Variants in CDKAL1 observed in about 807,000 individuals in gnomAD.
CDKAL1 encodes the protein CDKAL1 threonylcarbamoyladenosine tRNA methylthiotransferase.
In CDKAL1, 32 loss-of-function variants were observed where a neutral mutation model predicts 68.2. The ratio of observed to expected loss-of-function variants is 0.47; its 90% CI spans 0.35 to 0.63. The LOEUF (loss-of-function observed/expected upper bound fraction) is 0.63, where lower values mean the gene tolerates loss of function less well. Among genes scored for constraint, CDKAL1 ranks in the 30% least tolerant of loss-of-function variants. The probability of loss-of-function intolerance (pLI) is 0.00; values close to 1 mark genes in which losing one functional copy is unlikely to be tolerated. For missense variants in CDKAL1, 606 were observed against 696.7 expected (o/e 0.87, Z 1.47); for synonymous variants, 234 against 244.3 (o/e 0.96, Z 0.39).
intron 13 of CDKAL1, among the ~76,000 whole-genome samples, chr6:21,146,589 G>A (rs1429508266): frequency 6.6e-6 from 1 of 152,066 alleles, no homozygotes; most frequent in African/African-American, 2.4e-5. Context: ...GGTGGCTCAC[G>A]CCTGTAATCC....
At chr6:20,575,269 A>T (rs1047493286) in intron 4 of CDKAL1, among the ~76,000 whole-genome samples, 3 of 152,032 alleles carry the variant, frequency 2.0e-5, no homozygotes, top group Non-Finnish European at 4.4e-5. Context: ...AGAAAAAAGC[A>T]GTTTGTGTTT....
intron 9 of CDKAL1, among the ~76,000 whole-genome samples, chr6:20,885,103 A>G (rs1407237415): frequency 6.6e-6 from 1 of 152,246 alleles, no homozygotes; most frequent in African/African-American, 2.4e-5. Context: ...AAAGTAATCT[A>G]CAGATTCGGC....
chr6:20,718,645 A>G (rs1772202750), intron 5 of CDKAL1, among the ~76,000 whole-genome samples: 1 of 152,206 alleles, frequency 6.6e-6, no homozygotes, highest in South Asian at 2.1e-4. Flanking sequence ...ACAAATGGAT[A>G]TATGAAAGCT....
intron 13 of CDKAL1, among the ~76,000 whole-genome samples, chr6:21,196,997 A>G (rs527237886): frequency 6.6e-6 from 1 of 152,092 alleles, no homozygotes; most frequent in Non-Finnish European, 1.5e-5. Context: ...GTCTCTACTA[A>G]AAATATAAAA....
intron 9 of CDKAL1, among the ~76,000 whole-genome samples, chr6:20,871,587 T>C (rs1437235116): frequency 6.6e-6 from 1 of 152,130 alleles, no homozygotes; most frequent in Non-Finnish European, 1.5e-5. Context: ...ACGACAAAAA[T>C]TAATAAAAGC....
chr6:20,748,554 G>GAAAAAAAAAAAAAA lies in CDKAL1; in HGVS notation c.468+8939_468+8940insAAAAAAAAAAAAAA, dbSNP rs1773762406. Among the ~76,000 whole-genome samples the GAAAAAAAAAAAAAA allele has an allele frequency of 5.2e-5, 4 of 77,106 alleles. 2 individuals carry two copies. Among genetic ancestry groups the GAAAAAAAAAAAAAA allele is most frequent in the Admixed American group, 3.3e-4 (2 of 6,082 alleles). The allele number at this position is 77,106 out of a possible 152,430, so 50.6% of individuals were successfully genotyped here. A position where few individuals can be genotyped will look rare whatever the true frequency, so the allele number is the denominator to read the frequency against. On this transcript the variant is annotated intron_variant, in intron 6 of 15. Coordinates refer to ENST00000274695, the MANE Select transcript of CDKAL1 (RefSeq NM_017774.3). ...GGAAAGAGAGCAAGACTCTGTTTCT[G>GAAAAAAAAAAAAAA]GAAAAAAAAAAAAAAAAAAAAAAAA...
rs60241965 is a variant in CDKAL1, at chr6:21,069,774, C to CTT, written c.1236+4575_1236+4576dup. On this transcript the variant is annotated intron_variant, in intron 12 of 15. Transcript: ENST00000274695. ...CAATAAAATCCCCCAGATTTTCTTT[C>CTT]TTTTTTTTTTTTTTTTTTTTTTTTT... Among the ~76,000 whole-genome samples the CTT allele has an allele frequency of 4.6e-4, 32 of 69,948 alleles. 1 individual carries two copies. Among genetic ancestry groups the CTT allele is most frequent in the African/African-American group, 9.4e-4 (16 of 17,082 alleles). The allele number at this position is 69,948 out of a possible 152,430, so 45.9% of individuals were successfully genotyped here.
intron 11 of CDKAL1, among the ~76,000 whole-genome samples, chr6:21,046,969 C>T (rs1483028298): frequency 1.3e-5 from 2 of 152,154 alleles, no homozygotes; most frequent in East Asian, 3.9e-4. Context: ...ACCCCTTTCC[C>T]CAAAATTTTA....
At chr6:20,724,450 C>T (rs1772544831) in intron 5 of CDKAL1, among the ~76,000 whole-genome samples, 1 of 151,780 alleles carries the variant, frequency 6.6e-6, no homozygotes, top group South Asian at 2.1e-4. Flanking sequence ...GGTACAGTGG[C>T]TTATACCTGT....
At chr6:20,647,872 GATAA>G (rs1768550369) in intron 4 of CDKAL1, among the ~76,000 whole-genome samples, 1 of 151,838 alleles carries the variant, frequency 6.6e-6, no homozygotes, top group Non-Finnish European at 1.5e-5. Flanking sequence ...GTATTCAGCT[GATAA>G]ATAGTGTAAG....
chr6:20,997,470 T>TG (rs1420378243), intron 10 of CDKAL1, among the ~76,000 whole-genome samples: 1 of 143,438 alleles, frequency 7.0e-6, no homozygotes, highest in Non-Finnish European at 1.5e-5. Flanking sequence ...AGTATAAAGT[T>TG]GCAAGGCCTG....
chr6:21,119,210 A>C (rs936121978), intron 13 of CDKAL1, among the ~76,000 whole-genome samples: 1 of 152,250 alleles, frequency 6.6e-6, no homozygotes, highest in Non-Finnish European at 1.5e-5. Context: ...GTATGAATCA[A>C]TGAAATTTGC....
intron 9 of CDKAL1, among the ~76,000 whole-genome samples, chr6:20,881,137 A>G (rs886286593): frequency 1.3e-5 from 2 of 152,208 alleles, no homozygotes; most frequent in Non-Finnish European, 2.9e-5. Flanking sequence ...CTTGGTTCTC[A>G]AACATTAAGG....
intron 9 of CDKAL1, among the ~76,000 whole-genome samples, chr6:20,874,126 G>A (rs1163494411): frequency 6.6e-6 from 1 of 152,112 alleles, no homozygotes; most frequent in Non-Finnish European, 1.5e-5. Context: ...TAGAGTTAGG[G>A]GGAGATGGCT....
At chr6:21,001,737 G>A (rs1219946001) in intron 11 of CDKAL1, among the ~76,000 whole-genome samples, 1 of 152,086 alleles carries the variant, frequency 6.6e-6, no homozygotes, top group Non-Finnish European at 1.5e-5. Flanking sequence ...ATTATTGCAG[G>A]CAAATTTGTC....
intron 4 of CDKAL1, among the ~76,000 whole-genome samples, chr6:20,636,230 G>T (rs1214338698): frequency 6.6e-6 from 1 of 152,096 alleles, no homozygotes; most frequent in Non-Finnish European, 1.5e-5. Flanking sequence ...TACTCACTAT[G>T]TCGAGGTGGT....
intron 4 of CDKAL1, among the ~76,000 whole-genome samples, chr6:20,594,530 T>C (rs150314223): frequency 1.1e-4 from 17 of 152,302 alleles, no homozygotes; most frequent in African/African-American, 3.8e-4. Context: ...CCTATTTGCT[T>C]GGTAAATATT....
chr6:21,205,551 G>T (rs1237323472), intron 15 of CDKAL1, among the ~76,000 whole-genome samples: 1 of 150,396 alleles, frequency 6.6e-6, no homozygotes, highest in African/African-American at 2.5e-5. Context: ...TTTTTTTTGA[G>T]ACAGAGTCTC....
intron 8 of CDKAL1, among the ~76,000 whole-genome samples, chr6:20,801,728 A>G (rs1776372249): frequency 6.6e-6 from 1 of 152,204 alleles, no homozygotes; most frequent in Admixed American, 6.5e-5. Flanking sequence ...GATAGTATTT[A>G]CATAATTTCG....
Sources: gnomAD v4.1 joint callset for allele counts (sites outside exome capture counted in the v4.1 genomes callset) on GRCh38, gnomAD v4.1.1 for gene constraint, MANE v1.5 for transcripts, NCBI Gene and HGNC (gene_info 2026-07-23, HGNC 2026-07-21) for gene names.